ATP11C: variants seen among roughly 807,000 people sequenced by gnomAD.
ATP11C encodes ATPase phospholipid transporting 11C (ATP11C blood group), also known as phospholipid-transporting ATPase IG.
ATP11C carries 36 observed loss-of-function variants against 97.4 expected under a neutral mutation model. That is an observed-to-expected ratio of 0.37 (90% CI 0.28 to 0.49). ATP11C has a LOEUF of 0.49. Ranked by LOEUF, ATP11C falls within the 20% of genes least tolerant of loss-of-function variation. ATP11C has a pLI of 0.98. For missense variants in ATP11C, 730 were observed against 824.6 expected (o/e 0.89, Z 1.40); for synonymous variants, 275 against 290.9 (o/e 0.95, Z 0.56).
At chrX:139,828,278 TCA>T (rs2083572545) in intron 1 of ATP11C, among the ~76,000 whole-genome samples, 1 of 112,232 alleles carries the variant, frequency 8.9e-6, no homozygotes, top group Non-Finnish European at 1.9e-5. Context: ...AGATAAATTT[TCA>T]CACAGTTCCT....
At chrX:139,869,817 AAT>A (rs760978607) in intron 1 of ATP11C, among the ~76,000 whole-genome samples, 2 of 95,124 alleles carry the variant, frequency 2.1e-5, no homozygotes, top group South Asian at 4.7e-4. Flanking sequence ...TAATAATAAT[AAT>A]ATAATATAAT....
intron 1 of ATP11C, among the ~76,000 whole-genome samples, chrX:139,881,065 C>G (rs2084554175): frequency 9.0e-6 from 1 of 111,645 alleles, no homozygotes; most frequent in Admixed American, 9.5e-5. Context: ...AGATGTTACC[C>G]TCAGAGTCCT....
At chrX:139,841,602 A>C (rs1368110346) in intron 1 of ATP11C, among the ~76,000 whole-genome samples, 2 of 112,235 alleles carry the variant, frequency 1.8e-5, no homozygotes, top group African/African-American at 6.5e-5. Context: ...TGTTCAAAAG[A>C]CAAGAGAGAA....
chrX:139,826,242 G>T (rs749129462), intron 2 of ATP11C, among the ~76,000 whole-genome samples: 4 of 110,567 alleles, frequency 3.6e-5, no homozygotes, highest in Non-Finnish European at 7.6e-5. Flanking sequence ...TAATACTTGA[G>T]AAGTGGGATG....
chrX:139,832,411 G>T, intron 1 of ATP11C: 2 of 723,229 alleles, frequency 2.8e-6, no homozygotes, highest in Non-Finnish European at 3.8e-6. Flanking sequence ...CAGTACTCTG[G>T]CGGCCTTAGC....
At chrX:139,896,103 A>T (rs1349809572) in intron 1 of ATP11C, among the ~76,000 whole-genome samples, 2 of 111,761 alleles carry the variant, frequency 1.8e-5, no homozygotes, top group African/African-American at 6.5e-5. Context: ...CCAGAATCAG[A>T]GACGGAAAAA....
At chrX:139,905,754 G>A (rs1249325348) in intron 1 of ATP11C, among the ~76,000 whole-genome samples, 1 of 111,378 alleles carries the variant, frequency 9.0e-6, no homozygotes, top group African/African-American at 3.3e-5. Flanking sequence ...TATAATTAAA[G>A]AAAATAGTAA....
At chrX:139,832,176 G>A (rs1418022880) in intron 1 of ATP11C, 1 of 1,208,962 alleles carries the variant, frequency 8.3e-7, no homozygotes, top group African/African-American at 1.7e-5. Context: ...AGGGAGAGAT[G>A]GGACCATCTG....
chrX:139,920,163 C>A (rs1237238760), intron 1 of ATP11C, among the ~76,000 whole-genome samples: 1 of 109,843 alleles, frequency 9.1e-6, no homozygotes, highest in Non-Finnish European at 1.9e-5. Context: ...TCAAGACCAG[C>A]CTAGCCAACA....
At chrX:139,804,329 T>C (rs1160903603) in intron 6 of ATP11C, 142 bp downstream of exon 6, 1 of 451,032 alleles carries the variant, frequency 2.2e-6, no homozygotes, top group East Asian at 4.5e-5. Context: ...TAAAAAACAA[T>C]TACATAACAG....
chrX:139,832,857 T>C (rs1195541355), intron 1 of ATP11C, among the ~76,000 whole-genome samples: 1 of 111,866 alleles, frequency 8.9e-6, no homozygotes, highest in Non-Finnish European at 1.9e-5. Context: ...GAAAGTTATA[T>C]CTCAGCAGCC....
chrX:139,785,582 C>T (rs1603364836), intron 15 of ATP11C, among the ~76,000 whole-genome samples: 2 of 111,250 alleles, frequency 1.8e-5, no homozygotes, highest in East Asian at 2.8e-4. Flanking sequence ...CCCACCAAGC[C>T]ATATTTGGAG....
intron 14 of ATP11C, among the ~76,000 whole-genome samples, chrX:139,787,577 C>A (rs753263138): frequency 8.9e-6 from 1 of 112,756 alleles, no homozygotes; most frequent in Non-Finnish European, 1.9e-5. Flanking sequence ...GGATTACAGG[C>A]GTGAGCCACC....
rs760849458 is a variant in ATP11C at position 139,791,790 on chromosome X, C to A, written c.1207-2302G>T. On this transcript the variant is annotated intron_variant, in intron 12 of 29. Transcript: ENST00000682941. ...AAAGGAATGAAGGGGGAGGCTGCTG[C>A]TTTACTCTGACTCTCAAGCAGCCTC... Among the ~76,000 whole-genome samples the A allele has an allele frequency of 2.7e-5, 3 of 111,375 alleles. No individual in the cohort carries two copies. In the East Asian group the frequency reaches 8.4e-4, roughly 31 times the overall value.
At chrX:139,766,614 G>A (rs780153656) in intron 20 of ATP11C, among the ~76,000 whole-genome samples, 52 of 110,740 alleles carry the variant, frequency 4.7e-4, no homozygotes, top group African/African-American at 1.3e-3. Flanking sequence ...ATATGTGTGC[G>A]TGTGTGTGTG....
At chrX:139,918,384 G>C (rs2085190264) in intron 1 of ATP11C, among the ~76,000 whole-genome samples, 1 of 111,827 alleles carries the variant, frequency 8.9e-6, no homozygotes, top group Non-Finnish European at 1.9e-5. Flanking sequence ...GGCCGAGGCG[G>C]GTGGATCACC....
chrX:139,742,874 A>AT (rs1462700433), intron 26 of ATP11C, among the ~76,000 whole-genome samples: 25 of 24,174 alleles, frequency 1.0e-3, no homozygotes, highest in African/African-American at 4.4e-3. Context: ...TAAAAAAAAA[A>AT]AAATATATAT....
chrX:139,810,527 T>A (rs1323306254), intron 5 of ATP11C, among the ~76,000 whole-genome samples: 4 of 112,107 alleles, frequency 3.6e-5, no homozygotes, highest in Non-Finnish European at 3.8e-5. Flanking sequence ...AAATAACCCA[T>A]GAATCGAGGA....
chrX:139,931,954 C>A, intron 1 of ATP11C, 62 bp downstream of exon 1: 2 of 1,120,261 alleles, frequency 1.8e-6, no homozygotes, highest in South Asian at 2.1e-5. Flanking sequence ...TGTGAGGGAC[C>A]CGGCGAAGGG....
Sources: gnomAD v4.1 joint callset for allele counts (sites outside exome capture counted in the v4.1 genomes callset) on GRCh38, gnomAD v4.1.1 for gene constraint, MANE v1.5 for transcripts, NCBI Gene and HGNC (gene_info 2026-07-23, HGNC 2026-07-21) for gene names.